Variants in UBR1 observed in about 807,000 individuals in gnomAD.
The protein encoded by UBR1 is E3 ubiquitin-protein ligase UBR1.
A neutral mutation model predicts 242.1 loss-of-function variants in UBR1; 102 were observed. That is an observed-to-expected ratio of 0.42 (90% CI 0.36 to 0.50). UBR1 has a LOEUF of 0.50. Ranked by LOEUF, UBR1 falls within the 20% of genes least tolerant of loss-of-function variation. The pLI, the probability that UBR1 is intolerant of heterozygous loss-of-function variation, is 0.01. For synonymous variants in UBR1, 675 were observed against 684.8 expected (o/e 0.99, Z 0.22); for missense variants, 1,772 against 2,101.8 (o/e 0.84, Z 3.07).
At chr15:43,102,845 G>A (rs746842645) in intron 1 of UBR1, among the ~76,000 whole-genome samples, 6 of 152,034 alleles carry the variant, frequency 3.9e-5, no homozygotes, top group African/African-American at 4.8e-5. Flanking sequence ...CTGTGTGTGT[G>A]TATATATATG....
intron 4 of UBR1, among the ~76,000 whole-genome samples, chr15:43,071,565 A>C (rs532872841): frequency 6.6e-6 from 1 of 152,210 alleles, no homozygotes; most frequent in South Asian, 2.1e-4. Flanking sequence ...ACTGAACGCT[A>C]TATCTACACT....
At chr15:43,008,857 T>C (rs1344251359) in intron 29 of UBR1, among the ~76,000 whole-genome samples, 1 of 151,990 alleles carries the variant, frequency 6.6e-6, no homozygotes, top group Non-Finnish European at 1.5e-5. Flanking sequence ...GGAAAGGAGA[T>C]ACCCACTCTG....
At chr15:42,980,882 G>A (rs1448150132) in intron 37 of UBR1, among the ~76,000 whole-genome samples, 2 of 152,162 alleles carry the variant, frequency 1.3e-5, no homozygotes, top group Non-Finnish European at 2.9e-5. Flanking sequence ...GATTACAGGT[G>A]TAAGCCATTA....
rs530628051 is a variant in UBR1, at chr15:43,006,976, G to A, written c.3415+103C>T. Reference sequence around the variant, plus strand: ...TCTTAAATATGATAATGGTATGGTAGATATATAACCCTTATTTCCAAATGT... The same window carrying A: ...TCTTAAATATGATAATGGTATGGTAAATATATAACCCTTATTTCCAAATGT... On this transcript the variant is annotated intron_variant, in intron 30 of 46. Coordinates refer to ENST00000290650, the MANE Select transcript of UBR1 (RefSeq NM_174916.3). 1.9e-5 allele frequency: 20 copies of A among 1,052,670 alleles called. No individual in the cohort carries two copies. The African/African-American group carries it at 1.9e-4, about 10-fold the overall frequency. 65.2% of individuals were successfully genotyped at this position (1,052,670 alleles called of 1,614,324 possible). A position where few individuals can be genotyped will look rare whatever the true frequency, so the allele number is the denominator to read the frequency against.
chr15:43,097,264 A>G (rs952461749), intron 1 of UBR1, among the ~76,000 whole-genome samples: 1 of 152,046 alleles, frequency 6.6e-6, no homozygotes, highest in Admixed American at 6.6e-5. Flanking sequence ...TCTACAGTGG[A>G]CTTAAAATAT....
intron 15 of UBR1, among the ~76,000 whole-genome samples, chr15:43,039,964 T>C (rs957605346): frequency 2.0e-5 from 3 of 152,180 alleles, no homozygotes; most frequent in Admixed American, 2.0e-4. Flanking sequence ...TGGTTCTGTT[T>C]ATATGCTGGA....
chr15:43,043,526 C>CA, intron 14 of UBR1, 131 bp from the exon 15 acceptor site: 1 of 824,936 alleles, frequency 1.2e-6, no homozygotes, highest in South Asian at 1.5e-5. Flanking sequence ...ACTGCAGCCT[C>CA]AACCTCCTGG....
rs1472904185 is a variant in UBR1 at position 42,960,666 on chromosome 15, T to C, written c.4736A>G (p.Lys1579Arg). 2 of 1,613,982 alleles carry C rather than the reference T, an allele frequency of 1.2e-6. No individual in the cohort carries two copies. The highest frequency in any genetic ancestry group is 1.3e-5 in the African/African-American group (1 of 74,928). ...CAACCTGACCACGGTGTTTTTTTGCTTCAAACAGTTTAGTAAGGCAGGATC... is the reference window on the plus strand; with the variant it reads ...CAACCTGACCACGGTGTTTTTTTGCCTCAAACAGTTTAGTAAGGCAGGATC... ...CADPALLNCL[K>R]QKNTVVRYPR... Residue 1579 changes from lysine to arginine, a missense_variant, in exon 43 of 47, where the codon AAG becomes AGG. Lys to Arg is a conservative substitution (Grantham distance 26). This residue lies in a region of UBR1 where 965 missense variants were observed against 1,079.7 expected (regional missense o/e 0.89). Coordinates refer to ENST00000290650, the MANE Select transcript of UBR1 (RefSeq NM_174916.3).
At chr15:42,955,578 T>G (rs1838818367) in intron 44 of UBR1, among the ~76,000 whole-genome samples, 1 of 152,238 alleles carries the variant, frequency 6.6e-6, no homozygotes, top group Non-Finnish European at 1.5e-5. Flanking sequence ...TGGTTTGCTA[T>G]GGGAGGTGAT....
chr15:43,006,937 G>A (rs1033280570), intron 30 of UBR1, 142 bp downstream of exon 30: 2 of 801,052 alleles, frequency 2.5e-6, no homozygotes, highest in African/African-American at 3.5e-5. Context: ...AATATTCCTG[G>A]ATTATTATTA....
intron 28 of UBR1, 110 bp from the exon 29 acceptor site, chr15:43,015,979 C>G (rs1596102813): frequency 1.1e-6 from 1 of 940,292 alleles, no homozygotes; most frequent in East Asian, 2.5e-5. Flanking sequence ...CTGATTACCC[C>G]TTACATCCTG....
intron 35 of UBR1, among the ~76,000 whole-genome samples, chr15:42,986,225 T>C (rs566266373): frequency 4.6e-5 from 7 of 152,284 alleles, no homozygotes; most frequent in Admixed American, 2.6e-4. Context: ...ATTCTGTACA[T>C]ATCTCTCCAT....
At chr15:42,992,361 T>C (rs2032569228) in intron 33 of UBR1, among the ~76,000 whole-genome samples, 1 of 152,206 alleles carries the variant, frequency 6.6e-6, no homozygotes, top group African/African-American at 2.4e-5. Flanking sequence ...ATATTTGGAA[T>C]ATTACATTGG....
chr15:42,974,082 G>A (rs1596081384), intron 39 of UBR1, among the ~76,000 whole-genome samples: 1 of 151,928 alleles, frequency 6.6e-6, no homozygotes, highest in African/African-American at 2.4e-5. Context: ...TAGAGACCGT[G>A]TTTCACCGTG....
At chr15:43,047,025 A>G in intron 14 of UBR1, 136 bp downstream of exon 14, 1 of 1,086,924 alleles carries the variant, frequency 9.2e-7, no homozygotes, top group Non-Finnish European at 1.3e-6. Context: ...AAATTTAAAA[A>G]GAGAAATTCA....
intron 6 of UBR1, among the ~76,000 whole-genome samples, chr15:43,065,513 C>A (rs1341270286): frequency 6.6e-6 from 1 of 152,152 alleles, no homozygotes. Flanking sequence ...CTCTCTACCC[C>A]CACACCCCCG....
intron 10 of UBR1, among the ~76,000 whole-genome samples, chr15:43,056,866 T>C (rs190898911): frequency 6.6e-6 from 1 of 152,256 alleles, no homozygotes; most frequent in African/African-American, 2.4e-5. Flanking sequence ...AACCAACCAA[T>C]CAGATTGAAT....
intron 1 of UBR1, among the ~76,000 whole-genome samples, chr15:43,092,558 G>T (rs538407700): frequency 1.2e-4 from 18 of 152,082 alleles, no homozygotes; most frequent in African/African-American, 4.3e-4. Context: ...TTTGTGTATA[G>T]AATTTTTTTT....
chr15:42,984,034 G>C, intron 36 of UBR1, 41 bp from the exon 37 acceptor site: 81 of 1,490,576 alleles, frequency 5.4e-5, no homozygotes, highest in Non-Finnish European at 6.7e-5. Flanking sequence ...GATGAGGGAA[G>C]ATGAGAGACC....
Sources: allele counts gnomAD v4.1 joint callset (sites outside exome capture counted in the v4.1 genomes callset), GRCh38; gene constraint gnomAD v4.1.1; regional missense constraint gnomAD v4.1.1; transcripts MANE v1.5; gene names NCBI Gene and HGNC (gene_info 2026-07-23, HGNC 2026-07-21).